ITGBL1: variants seen among roughly 807,000 people sequenced by gnomAD.
ITGBL1 encodes the protein integrin beta-like protein 1.
A neutral mutation model predicts 68.5 loss-of-function variants in ITGBL1; 51 were observed. The ratio of observed to expected loss-of-function variants is 0.74; its 90% CI spans 0.59 to 0.94. The LOEUF (loss-of-function observed/expected upper bound fraction) is 0.94. Ranked by LOEUF, ITGBL1 falls within the 40% of genes least tolerant of loss-of-function variation. ITGBL1 has a pLI of 0.00. For missense variants in ITGBL1, 649 were observed against 647.4 expected, an observed-to-expected ratio of 1.00 and a Z score of -0.03; for synonymous variants, 209 against 227.3, an observed-to-expected ratio of 0.92 and a Z score of 0.72.
rs560657766 is a variant in ITGBL1, at chr13:101,542,585, A to T, written c.317-25114A>T. Among the ~76,000 whole-genome samples, 28 of 152,228 alleles carry T rather than the reference A, an allele frequency of 1.8e-4. 1 individual carries two copies. The South Asian group carries it at 5.8e-3, about 32-fold the overall frequency. On this transcript the variant is annotated intron_variant, in intron 2 of 10. Coordinates refer to ENST00000376180, the MANE Select transcript of ITGBL1 (RefSeq NM_004791.3). ...TGTCTATTAGGTCTGTTTGATGCAG[A>T]GCTGATTTCAATTCCTGGATATCCT...
intron 7 of ITGBL1, among the ~76,000 whole-genome samples, chr13:101,688,883 G>A (rs1458879021): frequency 1.3e-5 from 2 of 152,020 alleles, no homozygotes; most frequent in East Asian, 1.9e-4. Context: ...TTTAATGCAC[G>A]TGTTCAATAA....
At chr13:101,463,771 ACAAAAT>A (rs2048347004) in intron 2 of ITGBL1, among the ~76,000 whole-genome samples, 1 of 152,148 alleles carries the variant, frequency 6.6e-6, no homozygotes, top group Non-Finnish European at 1.5e-5. Flanking sequence ...CAATAAAAAA[ACAAAAT>A]CAAAATAACT....
chr13:101,500,508 G>C (rs1249192459), intron 2 of ITGBL1, among the ~76,000 whole-genome samples: 1 of 152,144 alleles, frequency 6.6e-6, no homozygotes, highest in African/African-American at 2.4e-5. Context: ...AAATTCTTCA[G>C]AGATTATTAT....
chr13:101,548,936 C>T (rs1346419141), intron 2 of ITGBL1, among the ~76,000 whole-genome samples: 2 of 151,682 alleles, frequency 1.3e-5, no homozygotes, highest in East Asian at 3.9e-4. Context: ...AAAATAAAGG[C>T]TTAAAATGAA....
At chr13:101,699,038 A>G (rs1184396247) in intron 8 of ITGBL1, among the ~76,000 whole-genome samples, 1 of 152,216 alleles carries the variant, frequency 6.6e-6, no homozygotes, top group Non-Finnish European at 1.5e-5. Context: ...ATGCCGCCTG[A>G]GAGTATGAAT....
At chr13:101,524,321 T>C (rs1166646941) in intron 2 of ITGBL1, among the ~76,000 whole-genome samples, 2 of 151,904 alleles carry the variant, frequency 1.3e-5, no homozygotes, top group African/African-American at 4.8e-5. Context: ...GCACTTCTCC[T>C]AATTTATTTT....
At chr13:101,595,980 A>C (rs571150529) in intron 6 of ITGBL1, among the ~76,000 whole-genome samples, 4 of 152,188 alleles carry the variant, frequency 2.6e-5, no homozygotes, top group African/African-American at 9.7e-5. Context: ...AATGTGAGAT[A>C]TATATCTATA....
At chr13:101,597,521 T>A (rs1273339291) in intron 6 of ITGBL1, among the ~76,000 whole-genome samples, 1 of 151,708 alleles carries the variant, frequency 6.6e-6, no homozygotes, top group African/African-American at 2.4e-5. Context: ...CAAATACTCC[T>A]TTCCGTTTTT....
At chr13:101,474,570 C>T (rs1188844745) in intron 2 of ITGBL1, among the ~76,000 whole-genome samples, 1 of 152,126 alleles carries the variant, frequency 6.6e-6, no homozygotes, top group African/African-American at 2.4e-5. Context: ...GGGCCTTGAA[C>T]AAAATTGGCA....
rs1004832941 is a variant in ITGBL1, at chr13:101,517,225, C to T, written c.317-50474C>T. Among the ~76,000 whole-genome samples the T allele has an allele frequency of 2.0e-5, 3 of 152,042 alleles. 1 individual carries two copies. The South Asian group carries it at 6.2e-4, about 31-fold the overall frequency. On this transcript the variant is annotated intron_variant, in intron 2 of 10. Coordinates refer to ENST00000376180, the MANE Select transcript of ITGBL1 (RefSeq NM_004791.3). Reference sequence around the variant, plus strand: ...CCCAACACAGAGAGACAGTGGCGAGCGAGAGGACCTGCATCACCCAGCTCT... The same window carrying T: ...CCCAACACAGAGAGACAGTGGCGAGTGAGAGGACCTGCATCACCCAGCTCT...
chr13:101,602,955 G>C (rs954149322), intron 7 of ITGBL1, among the ~76,000 whole-genome samples: 1 of 151,934 alleles, frequency 6.6e-6, no homozygotes, highest in African/African-American at 2.4e-5. Context: ...ATACACCACC[G>C]TTATTTAACC....
chr13:101,583,078 C>A (rs553710331), intron 5 of ITGBL1, 138 bp from the exon 6 acceptor site: 97 of 768,232 alleles, frequency 1.3e-4, no homozygotes, highest in Non-Finnish European at 2.0e-4. Context: ...GGTGTTTTTC[C>A]TTTTTAGAAT....
chr13:101,515,766 A>T (rs543094212), intron 2 of ITGBL1, among the ~76,000 whole-genome samples: 3 of 152,074 alleles, frequency 2.0e-5, no homozygotes, highest in Non-Finnish European at 2.9e-5. Flanking sequence ...AATCTAGGTG[A>T]AACATTTCAT....
intron 6 of ITGBL1, among the ~76,000 whole-genome samples, chr13:101,592,989 AT>A (rs1347371230): frequency 1.3e-5 from 2 of 152,144 alleles, no homozygotes; most frequent in Non-Finnish European, 2.9e-5. Flanking sequence ...GACCTACATA[AT>A]GGGAGAAAAT....
intron 2 of ITGBL1, among the ~76,000 whole-genome samples, chr13:101,462,103 G>A (rs142170218): frequency 1.2e-3 from 181 of 152,110 alleles, no homozygotes; most frequent in African/African-American, 4.0e-3. Context: ...AGCTACTTTC[G>A]GGTCCTTACA....
chr13:101,578,524 A>T (rs950437258), intron 4 of ITGBL1, among the ~76,000 whole-genome samples: 2 of 152,198 alleles, frequency 1.3e-5, no homozygotes, highest in African/African-American at 4.8e-5. Flanking sequence ...GGTGTGGATG[A>T]GGAAAGCAAT....
At chr13:101,695,369 A>T (rs997693865) in intron 8 of ITGBL1, among the ~76,000 whole-genome samples, 1 of 152,060 alleles carries the variant, frequency 6.6e-6, no homozygotes, top group Non-Finnish European at 1.5e-5. Flanking sequence ...ACCAGAGAAA[A>T]ACCCTGTGTG....
intron 3 of ITGBL1, 40 bp from the exon 4 acceptor site, chr13:101,575,384 G>T (rs766578789): frequency 1.3e-6 from 2 of 1,579,224 alleles, no homozygotes; most frequent in Non-Finnish European, 1.7e-6. Context: ...ATAATTTTAT[G>T]TGCATGTAAC....
chr13:101,712,771 T>A (rs921681609), intron 9 of ITGBL1: 7 of 152,136 alleles, frequency 4.6e-5, no homozygotes, highest in Non-Finnish European at 8.8e-5. Flanking sequence ...GTGCTGTACA[T>A]TTTTTTATGC....
Sources: gnomAD v4.1 joint callset for allele counts (sites outside exome capture counted in the v4.1 genomes callset) on GRCh38, gnomAD v4.1.1 for gene constraint, MANE v1.5 for transcripts, NCBI Gene and HGNC (gene_info 2026-07-23, HGNC 2026-07-21) for gene names.